F8: variants seen among roughly 807,000 people sequenced by gnomAD.
F8 encodes coagulation factor VIII, also known as antihemophilic factor.
Under a neutral mutation model 140.6 loss-of-function variants are expected in F8, and 12 were observed. The observed-to-expected ratio is 0.09, with a 90% CI of 0.05 to 0.14. The LOEUF is 0.14. Ranked by LOEUF, F8 falls within the 10% of genes least tolerant of loss-of-function variation. The pLI is 1.00. For missense variants in F8, 1,354 were observed against 1,720.7 expected, an observed-to-expected ratio of 0.79 and a Z score of 3.77; for synonymous variants, 585 against 614.6, an observed-to-expected ratio of 0.95 and a Z score of 0.71.
At chrX:154,972,431 A>G (rs1361875512) in intron 6 of F8, among the ~76,000 whole-genome samples, 2 of 111,387 alleles carry the variant, frequency 1.8e-5, no homozygotes, top group Non-Finnish European at 3.8e-5. Flanking sequence ...ATCCCTTGTC[A>G]GATGTATAAT....
At position 154,957,140 on chromosome X, in the gene F8, C is replaced by A. The variant is rs782733685; in HGVS notation, c.1569G>T (p.Leu523=). 2 of 1,210,706 alleles carry A rather than the reference C, an allele frequency of 1.7e-6. No individual in the cohort carries two copies. Among genetic ancestry groups the A allele is most frequent in the Admixed American group, 4.4e-5 (2 of 45,968 alleles). The part of the protein sequence containing the change: ...GVKHLKDFPI[L]PGEIFKYKWT... ...ATTTATATTTGAATATTTCTCCTGG[C>A]AGAATTGGAAAATCCTTCAAATGTT... is the stretch of plus-strand genomic sequence containing the variant. The change falls in exon 11 of 26, where the codon CTG becomes CTT. Residue 523 remains leucine (L), a synonymous_variant. Transcript: ENST00000360256.
At chrX:154,942,268 A>G (rs1450469353) in intron 13 of F8, among the ~76,000 whole-genome samples, 1 of 111,085 alleles carries the variant, frequency 9.0e-6, no homozygotes, top group African/African-American at 3.3e-5. Context: ...ATAGACCGCT[A>G]GCAAGACTAA....
intron 5 of F8, among the ~76,000 whole-genome samples, chrX:154,985,230 G>A (rs1478249672): frequency 2.7e-5 from 3 of 111,418 alleles, no homozygotes; most frequent in East Asian, 2.8e-4. Context: ...CAGGTCAGGC[G>A]TTTGAGAGTA....
chrX:154,925,637 G>A (rs890666651), intron 14 of F8, among the ~76,000 whole-genome samples: 14 of 112,583 alleles, frequency 1.2e-4, no homozygotes, highest in Non-Finnish European at 2.3e-4. Context: ...TGACTGCCCC[G>A]TAGAATTTCA....
chrX:154,877,432 C>T (rs781963441), intron 22 of F8, among the ~76,000 whole-genome samples: 2 of 111,620 alleles, frequency 1.8e-5, no homozygotes, highest in South Asian at 3.8e-4. Context: ...AGGAAGGAAG[C>T]CATGAGTTAA....
intron 22 of F8, among the ~76,000 whole-genome samples, chrX:154,869,749 T>C (rs781879820): frequency 9.0e-6 from 1 of 111,382 alleles, no homozygotes; most frequent in Non-Finnish European, 1.9e-5. Context: ...AATCATTGAA[T>C]CCAGGAGCTG....
intron 1 of F8, among the ~76,000 whole-genome samples, chrX:155,010,877 C>A (rs782501105): frequency 9.0e-6 from 1 of 111,555 alleles, no homozygotes; most frequent in South Asian, 3.8e-4. Context: ...GGATCCCCTC[C>A]TCACACCATA....
chrX:154,934,870 A>C (rs191294689), intron 13 of F8, among the ~76,000 whole-genome samples: 2 of 112,004 alleles, frequency 1.8e-5, no homozygotes, highest in African/African-American at 6.5e-5. Context: ...AAAAGGAAGA[A>C]AGGAACAACA....
intron 14 of F8, among the ~76,000 whole-genome samples, chrX:154,912,780 G>T (rs782766273): frequency 8.9e-6 from 1 of 112,010 alleles, no homozygotes; most frequent in South Asian, 3.8e-4. Context: ...AGTTCCACAT[G>T]GCTGGAGAGG....
intron 3 of F8, among the ~76,000 whole-genome samples, chrX:154,993,684 C>T (rs144054008): frequency 8.9e-6 from 1 of 112,388 alleles, no homozygotes; most frequent in African/African-American, 3.2e-5. Context: ...GTTGATATCT[C>T]CACATTCTGT....
intron 6 of F8, among the ~76,000 whole-genome samples, chrX:154,980,566 G>C (rs1057235923): frequency 8.9e-6 from 1 of 112,013 alleles, no homozygotes; most frequent in East Asian, 2.8e-4. Flanking sequence ...ATTCTTTGCA[G>C]ATGTGCATCC....
chrX:154,926,861 T>C (rs1178395349), intron 14 of F8, among the ~76,000 whole-genome samples: 5 of 111,893 alleles, frequency 4.5e-5, no homozygotes, highest in African/African-American at 1.6e-4. Flanking sequence ...TAGATAGTAC[T>C]TAAAATCATG....
At chrX:155,016,164 G>A (rs1472555314) in intron 1 of F8, among the ~76,000 whole-genome samples, 1 of 110,193 alleles carries the variant, frequency 9.1e-6, no homozygotes, top group African/African-American at 3.3e-5. Context: ...TTGAGCCTAG[G>A]AGGCAGATGT....
chrX:154,876,508 C>T (rs2072817925), intron 22 of F8, among the ~76,000 whole-genome samples: 1 of 111,777 alleles, frequency 8.9e-6, no homozygotes, highest in South Asian at 3.7e-4. Flanking sequence ...TGTTCCTAAA[C>T]AAGTTATACC....
At chrX:154,973,525 T>C (rs1383447249) in intron 6 of F8, among the ~76,000 whole-genome samples, 1 of 112,562 alleles carries the variant, frequency 8.9e-6, no homozygotes, top group Non-Finnish European at 1.9e-5. Flanking sequence ...CATCAATATT[T>C]TATAGTTTTC....
At chrX:154,863,253 C>A in intron 22 of F8, 26 bp from the exon 23 acceptor site, 1 of 1,197,307 alleles carries the variant, frequency 8.4e-7, no homozygotes. Flanking sequence ...AGCACAAATA[C>A]ATGGAAAGTG....
At chrX:155,012,970 C>A (rs1213349547) in intron 1 of F8, among the ~76,000 whole-genome samples, 2 of 108,180 alleles carry the variant, frequency 1.8e-5, no homozygotes, top group Non-Finnish European at 3.8e-5. Context: ...CACGGTGAAA[C>A]CCCGTCTCTA....
intron 13 of F8, among the ~76,000 whole-genome samples, chrX:154,947,177 A>AT (rs2073310150): frequency 1.0e-5 from 1 of 97,554 alleles, no homozygotes; most frequent in Non-Finnish European, 2.0e-5. Context: ...GTGAGCCGAG[A>AT]TCGTGCCACC....
At position 154,931,454 on chromosome X, in the gene F8, G is replaced by C. The variant is rs148204253; in HGVS notation, c.2336C>G (p.Thr779Arg). ...STRQKQFNAT[T>R]IPENDIEKTD... ...CTTCTCTATGTCATTTTCTGGAATT[G>C]TGGTGGCATTAAATTGCTTTTGCCT... The change falls in exon 14 of 26, where the codon ACA becomes AGA. Residue 779 changes from threonine (T) to arginine (R), a missense_variant. This residue lies in a region of F8 where 658 missense variants were observed against 666.5 expected (regional missense o/e 0.99). Coordinates refer to ENST00000360256, the MANE Select transcript of F8 (RefSeq NM_000132.4). 1.6e-5 allele frequency: 19 copies of C among 1,210,952 alleles called. No individual in the cohort carries two copies. Among genetic ancestry groups the C allele is most frequent in the Non-Finnish European group, 2.1e-5 (19 of 894,489 alleles).
Sources: gnomAD v4.1 joint callset for allele counts (sites outside exome capture counted in the v4.1 genomes callset) on GRCh38, gnomAD v4.1.1 for gene constraint, gnomAD v4.1.1 regional missense constraint, MANE v1.5 for transcripts, NCBI Gene and HGNC (gene_info 2026-07-23, HGNC 2026-07-21) for gene names.